ZDHHC1: variants seen among roughly 807,000 people sequenced by gnomAD.
The protein encoded by ZDHHC1 is palmitoyltransferase ZDHHC1.
ZDHHC1 carries 45 observed loss-of-function variants against 46.9 expected under a neutral mutation model. That is an observed-to-expected ratio of 0.96 (90% confidence interval 0.76 to 1.23). ZDHHC1 has a LOEUF of 1.23. Among genes scored for constraint, ZDHHC1 ranks in the 50% most tolerant of loss-of-function variants. ZDHHC1 has a pLI of 0.00. For synonymous variants in ZDHHC1, 291 were observed against 286.0 expected, an observed-to-expected ratio of 1.02 and a Z score of -0.18; for missense variants, 649 against 670.8, an observed-to-expected ratio of 0.97 and a Z score of 0.36.
rs1004089116 is a variant in ZDHHC1, at chr16:67,394,509, C to T, written c.*101G>A. The T allele has an allele frequency of 6.6e-6, 7 of 1,053,442 alleles. No individual in the cohort carries two copies. The highest frequency in any genetic ancestry group is 7.0e-6 in the Non-Finnish European group (6 of 858,312). 65.3% of individuals were successfully genotyped at this position (1,053,442 alleles called of 1,614,324 possible). A position where few individuals can be genotyped will look rare whatever the true frequency, so the allele number is the denominator to read the frequency against. ...GGGGGAGGGAGGCCGATCCCGCCGG[C>T]CGTAGGGGCCCCTAAAGTGCACTCG... On this transcript the variant is annotated 3_prime_UTR_variant, in exon 12 of 12. Transcript: ENST00000565726.
rs529062149 is a variant in ZDHHC1, at chr16:67,407,211, C to T, written c.9+556G>A. Among the ~76,000 whole-genome samples the T allele has an allele frequency of 9.2e-5, 14 of 152,332 alleles. No individual in the cohort carries two copies. In the East Asian group the frequency reaches 1.7e-3, roughly 19 times the overall value. On this transcript the variant is annotated intron_variant, in intron 2 of 11. Transcript: ENST00000565726. ...CCCCCTCCACCCGCCACCCTCTAGC[C>T]GGACAGCTGGCCCAGGGTCCAGGGA...
Position 67,398,209 on chromosome 16 carries a change from T to C in ZDHHC1, c.927+3A>G. 6.3e-7 allele frequency: 1 copy of C among 1,597,250 alleles called. No homozygotes were observed. Among genetic ancestry groups the C allele is most frequent in the Non-Finnish European group, 8.6e-7 (1 of 1,165,682 alleles). Reference sequence around the variant, plus strand: ...GCCCCCTCCCACCCTTCATCCTCTATACCTGAATGGGCCGCATCTTGGGAG... The same window carrying C: ...GCCCCCTCCCACCCTTCATCCTCTACACCTGAATGGGCCGCATCTTGGGAG... On this transcript the variant is annotated splice_donor_region_variant and intron_variant, in intron 8 of 11. Transcript: ENST00000565726.
At position 67,402,427 on chromosome 16, in the gene ZDHHC1, G is replaced by A. The variant is rs571110332; in HGVS notation, c.253-1295C>T. 2.6e-5 allele frequency among the ~76,000 whole-genome samples: 4 copies of A among 152,180 alleles called. No homozygotes were observed. The East Asian group carries it at 7.7e-4, about 29-fold the overall frequency. ...CCTCTCTGCTATCACCAGCTACTGT[G>A]CTCACCATGCCATCCACTCTTCAGA... On this transcript the variant is annotated intron_variant, in intron 3 of 11. Coordinates refer to ENST00000565726, the MANE Select transcript of ZDHHC1 (RefSeq NM_001323627.2).
chr16:67,394,912 C>T lies in ZDHHC1; in HGVS notation c.1166-19G>A, dbSNP rs2040391976. ...CTAGGCCCTGCGCAAGGGAAGGGAA[C>T]ATGAGCCCAGTGGCTGCGGCTCGCT... is the stretch of plus-strand genomic sequence containing the variant. On this transcript the variant is annotated intron_variant, in intron 11 of 11. Transcript: ENST00000565726. 1 of 1,569,494 alleles carries T rather than the reference C, an allele frequency of 6.4e-7. No individual in the cohort carries two copies.
At chr16:67,409,237 C>A (rs1252047710) in intron 1 of ZDHHC1, among the ~76,000 whole-genome samples, 1 of 152,082 alleles carries the variant, frequency 6.6e-6, no homozygotes, top group African/African-American at 2.4e-5. Context: ...CCCTGATACT[C>A]CAAATCAGGA....
chr16:67,401,607 C>G lies in ZDHHC1; in HGVS notation c.253-475G>C, dbSNP rs1231520619. Among the ~76,000 whole-genome samples, 1 of 152,240 alleles carries G rather than the reference C, an allele frequency of 6.6e-6. No individual in the cohort carries two copies. Among genetic ancestry groups the G allele is most frequent in the Non-Finnish European group, 1.5e-5 (1 of 68,052 alleles). On this transcript the variant is annotated intron_variant, in intron 3 of 11. Transcript: ENST00000565726. The surrounding 1 kb of genome is among the most constrained non-coding windows in gnomAD (Gnocchi z 4.6). Reference sequence around the variant, plus strand: ...CTCCAAAAGGGATGCAGCCACCCCCCTTTTCAGTAGCTGGGCCAGATGGAG... The same window carrying G: ...CTCCAAAAGGGATGCAGCCACCCCCGTTTTCAGTAGCTGGGCCAGATGGAG...
At position 67,412,293 on chromosome 16, in the gene ZDHHC1, A is replaced by AAT. The variant is rs1006789603; in HGVS notation, c.-39+3876_-39+3877dup. On this transcript the variant is annotated intron_variant, in intron 1 of 11. Transcript: ENST00000565726. Reference sequence around the variant, plus strand: ...TCCTGGTACTCCTTCAAACTGTTCAAATATATATATATTTTTATCATGAGC... The same window carrying AAT: ...TCCTGGTACTCCTTCAAACTGTTCAAATATATATATATATTTTTATCATGAGC... Among the ~76,000 whole-genome samples, 21 of 152,032 alleles carry AAT rather than the reference A, an allele frequency of 1.4e-4. No individual in the cohort carries two copies. In the East Asian group the frequency reaches 3.5e-3, roughly 25 times the overall value.
chr16:67,403,866 G>A (rs188837012), intron 3 of ZDHHC1, among the ~76,000 whole-genome samples: 37 of 152,206 alleles, frequency 2.4e-4, no homozygotes, highest in Admixed American at 1.2e-3. Flanking sequence ...CATCCGCGTC[G>A]GTCTCCCAAT....
At chr16:67,404,724 G>A (rs1418581671) in intron 3 of ZDHHC1, 1 of 455,938 alleles carries the variant, frequency 2.2e-6, no homozygotes, top group Non-Finnish European at 4.4e-6. Context: ...TTCTTCATTA[G>A]GAAATGGGGA....
At chr16:67,407,637 T>C (rs2040685797) in intron 2 of ZDHHC1, 130 bp downstream of exon 2, 1 of 720,236 alleles carries the variant, frequency 1.4e-6, no homozygotes, top group Admixed American at 1.9e-5. Flanking sequence ...TACTTTGCCA[T>C]TTGGGACGCT....
intron 1 of ZDHHC1, among the ~76,000 whole-genome samples, chr16:67,409,813 T>G (rs911519594): frequency 6.6e-6 from 1 of 152,168 alleles, no homozygotes; most frequent in African/African-American, 2.4e-5. Flanking sequence ...GAGCCCAGCC[T>G]GCGCACTTAG....
rs553602989 is a variant in ZDHHC1, at chr16:67,406,985, C to G, written c.10-543G>C. Among the ~76,000 whole-genome samples, 10 of 152,320 alleles carry G rather than the reference C, an allele frequency of 6.6e-5. No homozygotes were observed. Among genetic ancestry groups the G allele is most frequent in the Non-Finnish European group, 1.0e-4 (7 of 68,028 alleles). ...CCTTTAGGACTGGGGGAGTCTGAAG[C>G]TCTGCCCCATGCTGCCTGAGGGTTC... is the stretch of plus-strand genomic sequence containing the variant. On this transcript the variant is annotated intron_variant, in intron 2 of 11. Coordinates refer to ENST00000565726, the MANE Select transcript of ZDHHC1 (RefSeq NM_001323627.2). The surrounding 1 kb of genome is among the most constrained non-coding windows in gnomAD (Gnocchi z 4.1).
At chr16:67,412,562 C>T (rs985912505) in intron 1 of ZDHHC1, among the ~76,000 whole-genome samples, 3 of 152,190 alleles carry the variant, frequency 2.0e-5, no homozygotes, top group Non-Finnish European at 2.9e-5. Context: ...GGAAAAGCCA[C>T]AGAACTTCCT....
chr16:67,407,335 C>T (rs1456528552), intron 2 of ZDHHC1, among the ~76,000 whole-genome samples: 1 of 152,200 alleles, frequency 6.6e-6, no homozygotes, highest in Non-Finnish European at 1.5e-5. Flanking sequence ...CAGCGCCACA[C>T]CTGGGAGACA....
intron 1 of ZDHHC1, among the ~76,000 whole-genome samples, chr16:67,414,379 A>G (rs954962947): frequency 6.6e-6 from 1 of 152,232 alleles, no homozygotes; most frequent in Non-Finnish European, 1.5e-5. Flanking sequence ...CACCAGTTCC[A>G]CAAAAGCAGA....
At chr16:67,397,891 T>C (rs1274373178) in intron 8 of ZDHHC1, among the ~76,000 whole-genome samples, 5 of 152,144 alleles carry the variant, frequency 3.3e-5, no homozygotes, top group Non-Finnish European at 5.9e-5. Context: ...TGGCCACCCA[T>C]CACTGACCCC....
chr16:67,416,378 T>TGGCTCCGGCTCTGGCTCC lies in ZDHHC1; in HGVS notation c.-247_-246insGGAGCCAGAGCCGGAGCC, dbSNP rs1555517288. ...CCGGTGAGTCCTCGAGCTCTGGCTC[T>TGGCTCCGGCTCTGGCTCC]GGCTCCGGCTCCGGCTCCGGCTCCG... On this transcript the variant is annotated 5_prime_UTR_variant, in exon 1 of 12. Transcript: ENST00000565726. The TGGCTCCGGCTCTGGCTCC allele has an allele frequency of 8.4e-5, 17 of 202,854 alleles. No individual in the cohort carries two copies. The highest frequency in any genetic ancestry group is 2.8e-4 in the South Asian group (5 of 18,048). 12.6% of individuals were successfully genotyped at this position (202,854 alleles called of 1,614,324 possible). A position where few individuals can be genotyped will look rare whatever the true frequency, so the allele number is the denominator to read the frequency against.
intron 8 of ZDHHC1, chr16:67,395,892 G>A (rs1331331075): frequency 3.0e-6 from 1 of 330,518 alleles, no homozygotes; most frequent in African/African-American, 2.1e-5. Flanking sequence ...GCCCGCACCT[G>A]CTCCTGGTGT....
chr16:67,394,781 C>T lies in ZDHHC1; in HGVS notation c.1278G>A (p.Val426=), dbSNP rs2040385436. 2 of 1,532,956 alleles carry T rather than the reference C, an allele frequency of 1.3e-6. No homozygotes were observed. Among genetic ancestry groups the T allele is most frequent in the African/African-American group, 1.4e-5 (1 of 72,782 alleles). 95.0% of individuals were successfully genotyped at this position (1,532,956 alleles called of 1,614,324 possible). The part of the protein sequence containing the change: ...GAYHSASAES[V]DEIPVAQTRL... Reference sequence around the variant, plus strand: ...GCGTCTGCGCCACTGGAATCTCGTCCACGGACTCTGCCGACGCCGAGTGGT... The same window carrying T: ...GCGTCTGCGCCACTGGAATCTCGTCTACGGACTCTGCCGACGCCGAGTGGT... The change falls in exon 12 of 12, where the codon GTG becomes GTA. Residue 426 remains valine (V), a synonymous_variant. Coordinates refer to ENST00000565726, the MANE Select transcript of ZDHHC1 (RefSeq NM_001323627.2).
Sources: allele counts gnomAD v4.1 joint callset (sites outside exome capture counted in the v4.1 genomes callset), GRCh38; gene constraint gnomAD v4.1.1; non-coding constraint Gnocchi (gnomAD v3.1); transcripts MANE v1.5; gene names NCBI Gene and HGNC (gene_info 2026-07-23, HGNC 2026-07-21).